The following TATDN1 variants were observed in gnomAD, a reference collection of about 807,000 sequenced individuals.
The protein encoded by TATDN1 is TatD DNase domain containing 1.
TATDN1 carries 40 observed loss-of-function variants against 46.4 expected under a neutral mutation model. That is an observed-to-expected ratio of 0.86 (90% CI 0.67 to 1.12). The LOEUF (loss-of-function observed/expected upper bound fraction) is 1.12. TATDN1 is among the 50% of genes most tolerant of loss of function. TATDN1 has a pLI of 0.00. For missense variants in TATDN1, 326 were observed against 348.4 expected (o/e 0.94, Z 0.51); for synonymous variants, 95 against 105.6 (o/e 0.90, Z 0.62).
At chr8:124,498,104 A>G (rs1329747697) in intron 9 of TATDN1, among the ~76,000 whole-genome samples, 1 of 151,438 alleles carries the variant, frequency 6.6e-6, no homozygotes, top group African/African-American at 2.4e-5. Context: ...TTTTTCTTTC[A>G]TGCTTCTGGT....
At chr8:124,499,681 C>G (rs1463118394) in intron 9 of TATDN1, among the ~76,000 whole-genome samples, 1 of 151,636 alleles carries the variant, frequency 6.6e-6, no homozygotes, top group South Asian at 2.1e-4. Context: ...GTAGCTGGGA[C>G]TACAGGCGCC....
chr8:124,511,467 T>C (rs906318490), intron 6 of TATDN1, among the ~76,000 whole-genome samples: 1 of 152,198 alleles, frequency 6.6e-6, no homozygotes, highest in Non-Finnish European at 1.5e-5. Context: ...AGTGTTAACA[T>C]TTTAAAGCCC....
Position 124,503,912 on chromosome 8 carries a change from C to T in TATDN1, c.593+359G>A, listed in dbSNP as rs182509588. The T allele has an allele frequency of 2.9e-5, 38 of 1,294,222 alleles. No homozygotes were observed. In the African/African-American group the frequency reaches 3.2e-4, roughly 11 times the overall value. 80.2% of individuals were successfully genotyped at this position (1,294,222 alleles called of 1,614,324 possible). On this transcript the variant is annotated intron_variant, in intron 9 of 11. Transcript: ENST00000276692. The stretch of plus-strand genomic sequence containing the variant: ...TATGACTGTCACAGAATAAACCGTT[C>T]GTCCATAGTCAGATATGACGTGTAT...
chr8:124,524,937 C>T (rs1253392773), intron 1 of TATDN1, among the ~76,000 whole-genome samples: 1 of 152,040 alleles, frequency 6.6e-6, no homozygotes, highest in Admixed American at 6.6e-5. Flanking sequence ...TGAGAAAGGT[C>T]TATAGGTCCT....
chr8:124,514,843 C>T (rs1286121909), intron 6 of TATDN1, among the ~76,000 whole-genome samples: 1 of 152,198 alleles, frequency 6.6e-6, no homozygotes, highest in Non-Finnish European at 1.5e-5. Context: ...TTCAACATGG[C>T]TCCTATTAAA....
chr8:124,533,594 G>A (rs995829145), intron 1 of TATDN1, among the ~76,000 whole-genome samples: 37 of 152,252 alleles, frequency 2.4e-4, no homozygotes, highest in African/African-American at 8.4e-4. Flanking sequence ...CAGCAGAGGA[G>A]CAAGTCTTCC....
At chr8:124,498,743 C>T (rs1207001070) in intron 9 of TATDN1, among the ~76,000 whole-genome samples, 2 of 152,008 alleles carry the variant, frequency 1.3e-5, no homozygotes, top group African/African-American at 4.8e-5. Flanking sequence ...CTCTGCCTCC[C>T]GGGTTCACAC....
chr8:124,488,852 A>G, intron 11 of TATDN1, 156 bp from the exon 12 acceptor site: 1 of 600,602 alleles, frequency 1.7e-6, no homozygotes, highest in Non-Finnish European at 3.0e-6. Flanking sequence ...CAATAGAAAA[A>G]CTTACTGCCA....
At chr8:124,535,228 C>T (rs576862850) in intron 1 of TATDN1, among the ~76,000 whole-genome samples, 5 of 152,226 alleles carry the variant, frequency 3.3e-5, no homozygotes, top group African/African-American at 9.6e-5. Context: ...TAGGAGATTC[C>T]AAGGGTTTCA....
At chr8:124,538,389 C>T (rs1301782949) in intron 1 of TATDN1, 2 of 153,230 alleles carry the variant, frequency 1.3e-5, no homozygotes, top group African/African-American at 4.8e-5. Flanking sequence ...CTGGAAACCC[C>T]ACAAAACGAG....
intron 9 of TATDN1, among the ~76,000 whole-genome samples, chr8:124,495,908 C>A (rs1563645387): frequency 6.6e-6 from 1 of 152,146 alleles, no homozygotes; most frequent in Non-Finnish European, 1.5e-5. Flanking sequence ...CATTTTTAGC[C>A]CAAGACAGAT....
rs547140920 is a variant in TATDN1, at chr8:124,505,655, T to C, written c.517-1308A>G. Among the ~76,000 whole-genome samples, 6 of 152,002 alleles carry C rather than the reference T, an allele frequency of 3.9e-5. No individual in the cohort carries two copies. In the East Asian group the frequency reaches 1.2e-3, roughly 30 times the overall value. ...TATAGGGGTCAAGACATAGTTTTCA[T>C]AGTTTGGATGTATTTATATAATCAA... On this transcript the variant is annotated intron_variant, in intron 8 of 11. Transcript: ENST00000276692.
intron 2 of TATDN1, 40 bp downstream of exon 2, chr8:124,522,897 T>C (rs752111953): frequency 6.4e-7 from 1 of 1,564,138 alleles, no homozygotes; most frequent in Non-Finnish European, 8.8e-7. Context: ...AAAATTTGTC[T>C]TCATAGGAAA....
intron 1 of TATDN1, among the ~76,000 whole-genome samples, chr8:124,529,802 C>T (rs971348080): frequency 5.6e-4 from 85 of 152,216 alleles, no homozygotes; most frequent in African/African-American, 2.0e-3. Context: ...CAAGAAGGTC[C>T]CATGGTAGGC....
chr8:124,524,928 G>A (rs1039800490), intron 1 of TATDN1, among the ~76,000 whole-genome samples: 6 of 152,088 alleles, frequency 3.9e-5, no homozygotes, highest in Admixed American at 3.9e-4. Context: ...AATGAGGGAT[G>A]AGAAAGGTCT....
At chr8:124,522,105 A>T in intron 3 of TATDN1, 46 bp downstream of exon 3, 1 of 1,397,384 alleles carries the variant, frequency 7.2e-7, no homozygotes, top group Non-Finnish European at 1.0e-6. Context: ...AAATTTAGTT[A>T]AAAAATGAAT....
intron 9 of TATDN1, among the ~76,000 whole-genome samples, chr8:124,497,278 CTTT>C (rs1225130046): frequency 6.8e-6 from 1 of 146,584 alleles, no homozygotes; most frequent in Non-Finnish European, 1.5e-5. Flanking sequence ...GTATTTCCTT[CTTT>C]CTTCTTCTTT....
chr8:124,515,534 T>A (rs890627407), intron 6 of TATDN1, among the ~76,000 whole-genome samples: 1 of 152,202 alleles, frequency 6.6e-6, no homozygotes, highest in Non-Finnish European at 1.5e-5. Flanking sequence ...ACAATAAAAT[T>A]AAATGGTTAA....
intron 1 of TATDN1, chr8:124,538,375 G>A (rs1277240287): frequency 2.0e-5 from 3 of 152,910 alleles, no homozygotes; most frequent in Non-Finnish European, 4.4e-5. Flanking sequence ...CCACCTTCAG[G>A]TAGCTGGAAA....
Sources: gnomAD v4.1 joint callset for allele counts (sites outside exome capture counted in the v4.1 genomes callset) on GRCh38, gnomAD v4.1.1 for gene constraint, MANE v1.5 for transcripts, NCBI Gene and HGNC (gene_info 2026-07-23, HGNC 2026-07-21) for gene names.